MUC17: variants seen among roughly 807,000 people sequenced by gnomAD.
The protein encoded by MUC17 is mucin-17.
A neutral mutation model predicts 170.3 loss-of-function variants in MUC17; 190 were observed. The observed-to-expected ratio is 1.12, with a 90% CI of 0.99 to 1.26. The LOEUF is 1.26. Ranked by LOEUF, MUC17 falls within the 50% of genes most tolerant of loss-of-function variation. The pLI is 0.00. For missense variants in MUC17, 6,415 were observed against 5,530.0 expected (o/e 1.16, Z -5.08); for synonymous variants, 2,325 against 2,002.5 (o/e 1.16, Z -4.30).
intron 1 of MUC17, among the ~76,000 whole-genome samples, chr7:101,029,539 T>C (rs913282106): frequency 4.6e-5 from 7 of 152,260 alleles, no homozygotes; most frequent in Non-Finnish European, 8.8e-5. Flanking sequence ...CCAGATGTTG[T>C]GAATTTTACC....
chr7:101,051,974 C>T lies in MUC17; in HGVS notation c.13103+12C>T, dbSNP rs1269847686. The T allele has an allele frequency of 4.4e-6, 7 of 1,606,886 alleles. No homozygotes were observed. Among genetic ancestry groups the T allele is most frequent in the Non-Finnish European group, 6.0e-6 (7 of 1,175,046 alleles). Reference sequence around the variant, plus strand: ...GGACCTCAGTGCCTGTGAGTGCTCCCCCATCTCCTCCAGCCCAGCCCAGAC... The same window carrying T: ...GGACCTCAGTGCCTGTGAGTGCTCCTCCATCTCCTCCAGCCCAGCCCAGAC... On this transcript the variant is annotated intron_variant, in intron 9 of 12. Coordinates refer to ENST00000306151, the MANE Select transcript of MUC17 (RefSeq NM_001040105.2).
In MUC17 at chr7:101,042,317, G is replaced by C; in HGVS notation, c.10901G>C (p.Ser3634Thr). The change falls in exon 3 of 13, where the codon AGC (serine) becomes ACC (threonine). Residue 3634 changes from serine to threonine, a missense_variant. Ser to Thr is a moderately conservative substitution (Grantham distance 58, BLOSUM62 1). Coordinates refer to ENST00000306151, the MANE Select transcript of MUC17 (RefSeq NM_001040105.2). ...CCAATGTCAACTCCTAGTGAAGTAA[G>C]CACTCCATTAACCATTATGCCTGTC... Reference protein sequence around the residue: ...TLPMSTPSEVSTPLTIMPVST... With the variant: ...TLPMSTPSEVTTPLTIMPVST... 6 of 1,613,870 alleles carry C rather than the reference G, an allele frequency of 3.7e-6. No individual in the cohort carries two copies. Among genetic ancestry groups the C allele is most frequent in the Non-Finnish European group, 4.2e-6 (5 of 1,179,984 alleles).
chr7:101,043,446 C>T lies in MUC17; in HGVS notation c.12030C>T (p.Ala4010=). The change falls in exon 3 of 13, where the codon GCC becomes GCT. Residue 4010 remains alanine (A), a synonymous_variant. Coordinates refer to ENST00000306151, the MANE Select transcript of MUC17 (RefSeq NM_001040105.2). ...APLTYVTMST[A]PSTPRTTSRG... is the part of the protein sequence containing the mutation. Reference sequence around the variant, plus strand: ...TCACATATGTGACCATGTCTACTGCCCCCAGCACACCCAGAACAACCAGCA... The same window carrying T: ...TCACATATGTGACCATGTCTACTGCTCCCAGCACACCCAGAACAACCAGCA... The T allele has an allele frequency of 6.2e-7, 1 of 1,614,198 alleles. No individual in the cohort carries two copies. The highest frequency in any genetic ancestry group is 1.1e-5 in the South Asian group (1 of 91,080).
chr7:101,035,200 A>G lies in MUC17; in HGVS notation c.3784A>G (p.Thr1262Ala). The change falls in exon 3 of 13, where the codon ACC (threonine) becomes GCC (alanine). Residue 1262 changes from threonine to alanine, a missense_variant. Thr to Ala is a moderately conservative substitution (Grantham distance 58). Coordinates refer to ENST00000306151, the MANE Select transcript of MUC17 (RefSeq NM_001040105.2). ...TGCTGAAACCAGTTCCTCTCCTACA[A>G]CCGCTGAAGGTACCAGCTTGCCAAC... Reference protein sequence around the residue: ...TSAETSSSPTTAEGTSLPTST... With the variant: ...TSAETSSSPTAAEGTSLPTST... 3 of 1,581,086 alleles carry G rather than the reference A, an allele frequency of 1.9e-6. No individual in the cohort carries two copies. The highest frequency in any genetic ancestry group is 2.6e-6 in the Non-Finnish European group (3 of 1,153,048).
At chr7:101,029,227 G>T (rs1794234430) in intron 1 of MUC17, among the ~76,000 whole-genome samples, 1 of 150,166 alleles carries the variant, frequency 6.7e-6, no homozygotes, top group African/African-American at 2.5e-5. Flanking sequence ...ACGGTGGCAG[G>T]TGTCTGTAAT....
rs200874741 is a variant in MUC17 at position 101,051,850 on chromosome 7, G to T, written c.12991G>T (p.Glu4331Ter). 1.7e-5 allele frequency: 28 copies of T among 1,614,076 alleles called. No individual in the cohort carries two copies. In the Admixed American group the frequency reaches 4.3e-4, roughly 25 times the overall value. ...AKEYGDYFVV[E>*]YRDQKPYCIS... ...GGAATATGGAGACTACTTCGTAGTGGAGTACCGGGACCAGAAGCCATACTG... is the reference window on the plus strand; with the variant it reads ...GGAATATGGAGACTACTTCGTAGTGTAGTACCGGGACCAGAAGCCATACTG... The change falls in exon 9 of 13, where the codon GAG (glutamate) becomes TAG (stop). Residue 4331 changes from glutamate to a stop codon, truncating the protein, a stop_gained. Coordinates refer to ENST00000306151, the MANE Select transcript of MUC17 (RefSeq NM_001040105.2). LOFTEE classifies it high-confidence loss of function.
Position 101,039,683 on chromosome 7 carries a change from T to C in MUC17, c.8267T>C (p.Ile2756Thr), listed in dbSNP as rs766982604. Reference sequence around the variant, plus strand: ...GATGGAAGTACTCCATTAACAAGTATACTTGTCAGCACCCTGCCAGTGGCC... The same window carrying C: ...GATGGAAGTACTCCATTAACAAGTACACTTGTCAGCACCCTGCCAGTGGCC... Reference protein sequence around the residue: ...PSDGSTPLTSILVSTLPVASS... With the variant: ...PSDGSTPLTSTLVSTLPVASS... Residue 2756 changes from isoleucine to threonine, a missense_variant, in exon 3 of 13, where the codon ATA becomes ACA. Physicochemically the swap from Ile to Thr is moderately conservative, Grantham distance 89. Transcript: ENST00000306151. 6.2e-7 allele frequency: 1 copy of C among 1,613,282 alleles called. No homozygotes were observed. Among genetic ancestry groups the C allele is most frequent in the Non-Finnish European group, 8.5e-7 (1 of 1,179,704 alleles).
chr7:101,043,221 T>C lies in MUC17; in HGVS notation c.11805T>C (p.Pro3935=). ...SVSVITEGST[P]GTTIFIPSTP... ...CAGTGATCACAGAAGGAAGCACACC[T>C]GGGACAACCATTTTTATTCCCAGCA... is the stretch of plus-strand genomic sequence containing the variant. The change falls in exon 3 of 13, where the codon CCT becomes CCC. Residue 3935 remains proline, a synonymous_variant. Coordinates refer to ENST00000306151, the MANE Select transcript of MUC17 (RefSeq NM_001040105.2). The C allele has an allele frequency of 6.2e-7, 1 of 1,614,182 alleles. No homozygotes were observed. Among genetic ancestry groups the C allele is most frequent in the South Asian group, 1.1e-5 (1 of 91,084 alleles).
chr7:101,049,280 C>G (rs761706303), intron 5 of MUC17, 44 bp from the exon 6 acceptor site: 2 of 1,613,488 alleles, frequency 1.2e-6, no homozygotes, highest in African/African-American at 2.7e-5. Flanking sequence ...ACAGAACGGC[C>G]CCGTGGTCCC....
At position 101,040,555 on chromosome 7, in the gene MUC17, C is replaced by T. The variant is rs370948474; in HGVS notation, c.9139C>T (p.Pro3047Ser). The change falls in exon 3 of 13, where the codon CCA becomes TCA. Residue 3047 changes from proline to serine, a missense_variant. Pro to Ser is a moderately conservative substitution (Grantham distance 74, BLOSUM62 -1). Coordinates refer to ENST00000306151, the MANE Select transcript of MUC17 (RefSeq NM_001040105.2). ...PISTPSEGSTPLTSIPVSTTP... is the reference protein window; with the variant it reads ...PISTPSEGSTSLTSIPVSTTP... ...CTCAACTCCTAGTGAAGGAAGTACT[C>T]CATTAACAAGTATACCTGTCAGCAC... 4.3e-6 allele frequency: 7 copies of T among 1,612,156 alleles called. No homozygotes were observed. The highest frequency in any genetic ancestry group is 5.1e-6 in the Non-Finnish European group (6 of 1,179,418).
At position 101,031,894 on chromosome 7, in the gene MUC17, AC is replaced by A. The variant is rs1794288117; in HGVS notation, c.479del (p.Thr160LysfsTer19). On this transcript the variant is annotated frameshift_variant, in exon 3 of 13. Transcript: ENST00000306151. LOFTEE classifies it high-confidence loss of function. ...STPSEESISS[T>X]MAFVSTAPLP... is the part of the protein sequence containing the mutation. ...ACCAAGTGAAGAAAGCATTTCATCA[AC>A]AATGGCTTTTGTCAGCACTGCACCT... 1 of 1,614,050 alleles carries A rather than the reference AC, an allele frequency of 6.2e-7. No homozygotes were observed. Among genetic ancestry groups the A allele is most frequent in the South Asian group, 1.1e-5 (1 of 91,090 alleles).
Position 101,042,480 on chromosome 7 carries a change from G to T in MUC17, c.11064G>T (p.Thr3688=). ...TPEGTTMPIW[T]PSEGSTPLTT... is the part of the protein sequence containing the mutation. ...AAGGTACCACCATGCCAATCTGGAC[G>T]CCTAGTGAAGGAAGCACTCCATTAA... The change falls in exon 3 of 13, where the codon ACG becomes ACT. Residue 3688 remains threonine, a synonymous_variant. Transcript: ENST00000306151. 1.2e-6 allele frequency: 2 copies of T among 1,609,988 alleles called. No individual in the cohort carries two copies. The highest frequency in any genetic ancestry group is 1.4e-5 in the African/African-American group (1 of 73,718).
rs114650986 is a variant in MUC17 at position 101,042,871 on chromosome 7, G to A, written c.11455G>A (p.Val3819Ile). The A allele has an allele frequency of 1.2e-6, 2 of 1,614,018 alleles. No homozygotes were observed. The highest frequency in any genetic ancestry group is 4.5e-5 in the East Asian group (2 of 44,882). The change falls in exon 3 of 13, where the codon GTC (valine) becomes ATC (isoleucine). Residue 3819 changes from valine (V) to isoleucine (I), a missense_variant. Transcript: ENST00000306151. ...TGAAAGAAGCACTTTATTGACAACT[G>A]TCCTCATCAGCCCTATATCTGTGAT... ...TSERSTLLTTVLISPISVMSP... is the reference protein window; with the variant it reads ...TSERSTLLTTILISPISVMSP...
Position 101,034,582 on chromosome 7 carries a change from A to C in MUC17, c.3166A>C (p.Ser1056Arg). The change falls in exon 3 of 13, where the codon AGT becomes CGT. Residue 1056 changes from serine (S) to arginine (R), a missense_variant. Physicochemically the swap from Ser to Arg is moderately radical, Grantham distance 110. Coordinates refer to ENST00000306151, the MANE Select transcript of MUC17 (RefSeq NM_001040105.2). ...RMPVSTTMVA[S>R]SETSTLSTTP... ...GCCTGTCAGCACCACAATGGTGGCC[A>C]GTTCTGAAACGAGCACACTTTCAAC... 6.2e-7 allele frequency: 1 copy of C among 1,607,596 alleles called. No homozygotes were observed. The highest frequency in any genetic ancestry group is 8.5e-7 in the Non-Finnish European group (1 of 1,175,050).
rs746540248 is a variant in MUC17 at position 101,040,457 on chromosome 7, C to G, written c.9041C>G (p.Thr3014Ser). 6 of 1,612,196 alleles carry G rather than the reference C, an allele frequency of 3.7e-6. No individual in the cohort carries two copies. The highest frequency in any genetic ancestry group is 8.5e-7 in the Non-Finnish European group (1 of 1,179,180). The stretch of plus-strand genomic sequence containing the variant: ...ACCCTTTCAAGAACTCCTGCTGACA[C>G]CAGCACACCTGTGACCACTTCTACT... The part of the protein sequence containing the change: ...ASTLSRTPAD[T>S]STPVTTSTEA... The change falls in exon 3 of 13, where the codon ACC becomes AGC. Residue 3014 changes from threonine to serine, a missense_variant. Coordinates refer to ENST00000306151, the MANE Select transcript of MUC17 (RefSeq NM_001040105.2).
At position 101,036,171 on chromosome 7, in the gene MUC17, G is replaced by C. The variant is rs137906776; in HGVS notation, c.4755G>C (p.Val1585=). The part of the protein sequence containing the change: ...LTSLPVSTML[V]VSSEANTLST... The stretch of plus-strand genomic sequence containing the variant: ...GTTTGCCTGTCAGCACCATGCTGGT[G>C]GTCAGTTCTGAGGCTAACACCCTTT... Residue 1585 remains valine (V), a synonymous_variant, in exon 3 of 13, where the codon GTG becomes GTC. Coordinates refer to ENST00000306151, the MANE Select transcript of MUC17 (RefSeq NM_001040105.2). 159 of 1,613,734 alleles carry C rather than the reference G, an allele frequency of 9.9e-5. No individual in the cohort carries two copies. The African/African-American group carries it at 1.7e-3, about 17-fold the overall frequency.
At position 101,040,377 on chromosome 7, in the gene MUC17, T is replaced by G; in HGVS notation, c.8961T>G (p.Thr2987=). 1 of 1,612,094 alleles carries G rather than the reference T, an allele frequency of 6.2e-7. No homozygotes were observed. Among genetic ancestry groups the G allele is most frequent in the Non-Finnish European group, 8.5e-7 (1 of 1,179,394 alleles). ...TCTCAACTCCTGGCGAAAGAAGAAC[T>G]CCATTAACAAGTATGTCTGTCAGCA... The part of the protein sequence containing the change: ...MPISTPGERR[T]PLTSMSVSTM... The change falls in exon 3 of 13, where the codon ACT becomes ACG. Residue 2987 remains threonine (T), a synonymous_variant. Transcript: ENST00000306151.
rs1465367956 is a variant in MUC17 at position 101,042,642 on chromosome 7, C to T, written c.11226C>T (p.Thr3742=). 2 of 1,614,102 alleles carry T rather than the reference C, an allele frequency of 1.2e-6. No homozygotes were observed. The highest frequency in any genetic ancestry group is 2.2e-5 in the East Asian group (1 of 44,890). Residue 3742 remains threonine, a synonymous_variant, in exon 3 of 13, where the codon ACC becomes ACT. Coordinates refer to ENST00000306151, the MANE Select transcript of MUC17 (RefSeq NM_001040105.2). The part of the protein sequence containing the change: ...ISSSATLDST[T]MSVSMPMEIS... ...CTTCTGCAACTCTTGACAGCACCACCATGTCTGTGTCAATGCCCATGGAAA... is the reference window on the plus strand; with the variant it reads ...CTTCTGCAACTCTTGACAGCACCACTATGTCTGTGTCAATGCCCATGGAAA...
rs777074193 is a variant in MUC17, at chr7:101,043,174, G to T, written c.11758G>T (p.Val3920Leu). The T allele has an allele frequency of 1.2e-6, 2 of 1,614,042 alleles. No individual in the cohort carries two copies. The highest frequency in any genetic ancestry group is 3.3e-5 in the Admixed American group (2 of 60,006). The change falls in exon 3 of 13, where the codon GTA (valine) becomes TTA (leucine). Residue 3920 changes from valine (V) to leucine (L), a missense_variant. Val to Leu is a conservative substitution (Grantham distance 32). Coordinates refer to ENST00000306151, the MANE Select transcript of MUC17 (RefSeq NM_001040105.2). ...TDTASTPTIPVATTISVSVIT... is the reference protein window; with the variant it reads ...TDTASTPTIPLATTISVSVIT... ...CACTGCCTCAACTCCCACAATTCCTGTAGCCACCACCATATCTGTATCAGT... is the reference window on the plus strand; with the variant it reads ...CACTGCCTCAACTCCCACAATTCCTTTAGCCACCACCATATCTGTATCAGT...
Sources: allele counts gnomAD v4.1 joint callset (sites outside exome capture counted in the v4.1 genomes callset), GRCh38; gene constraint gnomAD v4.1.1; transcripts MANE v1.5; gene names NCBI Gene and HGNC (gene_info 2026-07-23, HGNC 2026-07-21).